ANK2: variants seen among roughly 807,000 people sequenced by gnomAD.
ANK2 encodes the protein ankyrin 2.
Under a neutral mutation model 360.5 loss-of-function variants are expected in ANK2, and 83 were observed. The ratio of observed to expected loss-of-function variants is 0.23; its 90% confidence interval spans 0.19 to 0.28. The LOEUF (loss-of-function observed/expected upper bound fraction) is 0.28. Ranked by LOEUF, ANK2 falls within the 10% of genes least tolerant of loss-of-function variation. The pLI is 1.00. For synonymous variants in ANK2, 1,740 were observed against 1,759.5 expected (o/e 0.99, Z 0.28); for missense variants, 4,201 against 4,795.7 (o/e 0.88, Z 3.66).
intron 15 of ANK2, among the ~76,000 whole-genome samples, chr4:113,275,366 A>T (rs1230746198): frequency 6.6e-6 from 1 of 152,226 alleles, no homozygotes; most frequent in East Asian, 1.9e-4. Context: ...ATACTCAGCT[A>T]ATTAGAGCAA....
intron 1 of ANK2, chr4:112,880,450 A>G (rs1278279039): frequency 6.6e-6 from 1 of 152,186 alleles, no homozygotes; most frequent in African/African-American, 2.4e-5. Context: ...ACTTCTATCT[A>G]TTGACAGTTA....
chr4:112,901,864 CAAAA>C (rs199731018), intron 1 of ANK2, among the ~76,000 whole-genome samples: 1 of 82,580 alleles, frequency 1.2e-5, no homozygotes, highest in Non-Finnish European at 2.7e-5. Flanking sequence ...GACTCTGTCT[CAAAA>C]AAAAAAAAAA....
intron 18 of ANK2, 61 bp from the exon 19 acceptor site, chr4:113,287,544 A>G: frequency 8.2e-7 from 1 of 1,213,034 alleles, no homozygotes; most frequent in Non-Finnish European, 1.2e-6. Flanking sequence ...TCATAATATT[A>G]TAGATGATGC....
Position 113,358,892 on chromosome 4 carries a change from A to G in ANK2, c.10274A>G (p.Glu3425Gly), listed in dbSNP as rs529128783. ...TESRERAEEL[E>G]LESEEGATRP... ...AGCAGAGAGAGGGCCGAGGAACTTG[A>G]GTTAGAATCAGAAGAAGGGGCCACA... The change falls in exon 38 of 46, where the codon GAG (glutamate) becomes GGG (glycine). Residue 3425 changes from glutamate (E) to glycine (G), a missense_variant. This residue lies in a region of ANK2 where 2,642 missense variants were observed against 2,714.5 expected (regional missense o/e 0.97). Transcript: ENST00000357077. 40 of 1,614,054 alleles carry G rather than the reference A, an allele frequency of 2.5e-5. 1 individual carries two copies. The South Asian group carries it at 4.3e-4, about 17-fold the overall frequency.
At chr4:112,776,632 G>C in the ANK2 span, among the ~76,000 whole-genome samples, 1 of 152,138 alleles carries the variant, frequency 6.6e-6, no homozygotes, top group African/African-American at 2.4e-5. Context: ...TGCCAAATTG[G>C]CATATTTTGG....
At chr4:112,881,258 T>G (rs1450080941) in intron 1 of ANK2, among the ~76,000 whole-genome samples, 1 of 152,052 alleles carries the variant, frequency 6.6e-6, no homozygotes, top group African/African-American at 2.4e-5. Flanking sequence ...GGCAACATGG[T>G]AAAACCCCGT....
intron 45 of ANK2, among the ~76,000 whole-genome samples, chr4:113,380,810 A>G (rs963674473): frequency 1.3e-5 from 2 of 152,194 alleles, no homozygotes; most frequent in Admixed American, 6.5e-5. Flanking sequence ...TTGTCTCTCA[A>G]TGGCTTTTCT....
At chr4:113,102,185 G>C (rs908913887) in intron 1 of ANK2, among the ~76,000 whole-genome samples, 1 of 152,052 alleles carries the variant, frequency 6.6e-6, no homozygotes, top group Non-Finnish European at 1.5e-5. Context: ...AGCAGCAGCG[G>C]TGGCTGGTGG....
chr4:113,372,158 G>A (rs1374115690), intron 43 of ANK2, among the ~76,000 whole-genome samples: 1 of 152,180 alleles, frequency 6.6e-6, no homozygotes, highest in Non-Finnish European at 1.5e-5. Context: ...ACCAGTGTCA[G>A]TGGCTCATAA....
chr4:112,809,994 C>G, the ANK2 span, among the ~76,000 whole-genome samples: 1 of 151,314 alleles, frequency 6.6e-6, no homozygotes, highest in Non-Finnish European at 1.5e-5. Context: ...TATTTCTTAT[C>G]TAGGTTTGCC....
rs75262411 is a variant in ANK2, at chr4:113,042,142, C to T, written c.22-132274C>T. Among the ~76,000 whole-genome samples, 1,376 of 152,208 alleles carry T rather than the reference C, an allele frequency of 9.0e-3. 35 individuals carry two copies. The highest frequency in any genetic ancestry group is 0.087 in the East Asian group (446 of 5,136). Reference sequence around the variant, plus strand: ...CTAGCACCATCTACTCCATTGAAGGCGCAGATAGAACAAAAAGGGAGACGA... The same window carrying T: ...CTAGCACCATCTACTCCATTGAAGGTGCAGATAGAACAAAAAGGGAGACGA... On this transcript the variant is annotated intron_variant, in intron 2 of 30. Transcript: ENST00000503271.
At chr4:113,346,467 G>T (rs1487367320) in intron 35 of ANK2, among the ~76,000 whole-genome samples, 1 of 152,088 alleles carries the variant, frequency 6.6e-6, no homozygotes, top group East Asian at 1.9e-4. Flanking sequence ...ATTCACAGGT[G>T]GCTTACATAT....
In ANK2 at chr4:113,335,200, G is replaced by A. The variant is rs192622784; in HGVS notation, c.3380-646G>A. Among the ~76,000 whole-genome samples, 559 of 152,166 alleles carry A rather than the reference G, an allele frequency of 3.7e-3. 9 individuals are homozygous for A. Among genetic ancestry groups the A allele is most frequent in the Non-Finnish European group, 3.5e-3 (237 of 68,000 alleles). On this transcript the variant is annotated intron_variant, in intron 29 of 45. Transcript: ENST00000357077. Reference sequence around the variant, plus strand: ...GAACCCATGATCCCATCCTCTTGATGTTAAATGTTATTTTTGGAAATTTAA... The same window carrying A: ...GAACCCATGATCCCATCCTCTTGATATTAAATGTTATTTTTGGAAATTTAA...
intron 24 of ANK2, among the ~76,000 whole-genome samples, chr4:113,312,585 A>C (rs2080659954): frequency 6.6e-6 from 1 of 152,012 alleles, no homozygotes; most frequent in African/African-American, 2.4e-5. Context: ...CTAGTGGTAC[A>C]CATAGAGTGC....
chr4:113,021,382 C>A (rs185924688), intron 2 of ANK2, among the ~76,000 whole-genome samples: 39 of 151,836 alleles, frequency 2.6e-4, no homozygotes, highest in Middle Eastern at 3.4e-3. Context: ...AAATGACTGA[C>A]CACTTATTCC....
chr4:113,363,273 A>G (rs987460820), intron 39 of ANK2, 65 bp from the exon 40 acceptor site: 2 of 1,554,720 alleles, frequency 1.3e-6, no homozygotes, highest in Non-Finnish European at 8.8e-7. Context: ...CAAAATCACA[A>G]AGCAAAATGT....
the ANK2 span, among the ~76,000 whole-genome samples, chr4:112,759,382 C>T: frequency 1.8e-4 from 28 of 152,270 alleles, no homozygotes; most frequent in East Asian, 3.1e-3. Flanking sequence ...TGGCTTCAAG[C>T]GATCCTCCTG....
chr4:112,777,488 G>C, the ANK2 span, among the ~76,000 whole-genome samples: 2 of 151,972 alleles, frequency 1.3e-5, no homozygotes, highest in South Asian at 4.1e-4. Context: ...TGATCCGCCC[G>C]CCTCGGCCTC....
At position 113,354,738 on chromosome 4, in the gene ANK2, A is replaced by G; in HGVS notation, c.6120A>G (p.Arg2040=). 1.2e-6 allele frequency: 2 copies of G among 1,613,676 alleles called. No individual in the cohort carries two copies. Among genetic ancestry groups the G allele is most frequent in the Non-Finnish European group, 1.7e-6 (2 of 1,179,936 alleles). Residue 2040 remains arginine (R), a synonymous_variant, in exon 38 of 46, where the codon AGA becomes AGG. Transcript: ENST00000357077. The stretch of plus-strand genomic sequence containing the variant: ...AAAAGGGGCCGATACTAACCCAGAG[A>G]GAAGCTCAGAAAACAGAGAATCAGA... ...EKEKGPILTQ[R]EAQKTENQTI... is the part of the protein sequence containing the mutation.
Sources: allele counts gnomAD v4.1 joint callset (sites outside exome capture counted in the v4.1 genomes callset), GRCh38; gene constraint gnomAD v4.1.1; regional missense constraint gnomAD v4.1.1; transcripts MANE v1.5; gene names NCBI Gene and HGNC (gene_info 2026-07-23, HGNC 2026-07-21).